The following SLC6A6 variants were observed in gnomAD, a reference collection of about 807,000 sequenced individuals.
The protein encoded by SLC6A6 is sodium- and chloride-dependent taurine transporter.
In SLC6A6, 16 loss-of-function variants were observed where a neutral mutation model predicts 68.8. That is an observed-to-expected ratio of 0.23 (90% confidence interval 0.16 to 0.35). The LOEUF (loss-of-function observed/expected upper bound fraction) is 0.35. SLC6A6 is among the 10% of genes least tolerant of loss of function. The pLI, the probability that SLC6A6 is intolerant of heterozygous loss-of-function variation, is 1.00. For synonymous variants in SLC6A6, 312 were observed against 315.4 expected (o/e 0.99, Z 0.12); for missense variants, 474 against 802.8 (o/e 0.59, Z 4.95).
chr3:14,446,659 G>C (rs1004445857), intron 4 of SLC6A6, among the ~76,000 whole-genome samples: 1 of 152,180 alleles, frequency 6.6e-6, no homozygotes, highest in Non-Finnish European at 1.5e-5. Flanking sequence ...AACTCCCCTT[G>C]ATAGTTTTGT....
chr3:14,431,770 G>A (rs6801669), intron 2 of SLC6A6, among the ~76,000 whole-genome samples: 39,723 of 152,022 alleles, frequency 0.26, 5,240 homozygotes, highest in South Asian at 0.32. Flanking sequence ...CACTCTGGTC[G>A]AGCTGAATTT....
chr3:14,447,458 T>G (rs1458033043), intron 4 of SLC6A6, 124 bp from the exon 5 acceptor site: 2 of 1,158,874 alleles, frequency 1.7e-6, no homozygotes, highest in Non-Finnish European at 2.5e-6. Context: ...TATTTGGTGG[T>G]CACTGTTGAA....
At chr3:14,447,904 G>A (rs1213841490) in intron 5 of SLC6A6, 88 bp downstream of exon 5, 1 of 1,554,534 alleles carries the variant, frequency 6.4e-7, no homozygotes, top group South Asian at 1.2e-5. Context: ...TGGGATACAG[G>A]AGCCACTGTC....
rs926696484 is a variant in SLC6A6 at position 14,463,610 on chromosome 3, G to T, written c.733-2906G>T. ...GCCCCAGAGGTGGGAACTGGTCGGG[G>T]CGCCTGGCCGCCTGTCCGCCTGTCC... is the stretch of plus-strand genomic sequence containing the variant. On this transcript the variant is annotated intron_variant, in intron 6 of 14. Coordinates refer to ENST00000622186, the MANE Select transcript of SLC6A6 (RefSeq NM_003043.6). Among the ~76,000 whole-genome samples, 4 of 152,264 alleles carry T rather than the reference G, an allele frequency of 2.6e-5. No individual in the cohort carries two copies. In the South Asian group the frequency reaches 8.3e-4, roughly 31 times the overall value.
At position 14,418,902 on chromosome 3, in the gene SLC6A6, T is replaced by G. The variant is rs567095928; in HGVS notation, c.-12+2449T>G. ...CCTGATTGAGCTGACTCTAGCCCAC[T>G]TCCTCAGGCTGGGAACGGCCTCTGG... On this transcript the variant is annotated intron_variant, in intron 2 of 14. Coordinates refer to ENST00000622186, the MANE Select transcript of SLC6A6 (RefSeq NM_003043.6). Among the ~76,000 whole-genome samples, 101 of 152,300 alleles carry G rather than the reference T, an allele frequency of 6.6e-4. 2 individuals are homozygous for G. In the South Asian group the frequency reaches 0.02, roughly 30 times the overall value.
chr3:14,452,058 C>T (rs773975540), intron 5 of SLC6A6, among the ~76,000 whole-genome samples: 4 of 152,266 alleles, frequency 2.6e-5, no homozygotes, highest in South Asian at 2.1e-4. Flanking sequence ...GTCAGGGGTA[C>T]GAGGCACCAG....
At chr3:14,412,707 T>A (rs1240468184) in intron 1 of SLC6A6, among the ~76,000 whole-genome samples, 1 of 152,226 alleles carries the variant, frequency 6.6e-6, no homozygotes, top group Non-Finnish European at 1.5e-5. Context: ...TCCCAGGCAC[T>A]GTGGACGGTG....
chr3:14,427,671 C>T (rs1182728452), intron 2 of SLC6A6, among the ~76,000 whole-genome samples: 1 of 152,152 alleles, frequency 6.6e-6, no homozygotes, highest in Admixed American at 6.5e-5. Flanking sequence ...CTGGGGGCCA[C>T]CAGCAAGGTA....
At chr3:14,411,497 A>C (rs185302993) in intron 1 of SLC6A6, among the ~76,000 whole-genome samples, 80 of 152,328 alleles carry the variant, frequency 5.3e-4, no homozygotes, top group African/African-American at 1.9e-3. Context: ...GTTAAAGTGG[A>C]CTTCAGCTCG....
chr3:14,405,605 C>T (rs1699089447), intron 1 of SLC6A6, among the ~76,000 whole-genome samples: 1 of 152,220 alleles, frequency 6.6e-6, no homozygotes, highest in African/African-American at 2.4e-5. Flanking sequence ...TGCAGAAGGT[C>T]ATGAGCAAGA....
intron 6 of SLC6A6, among the ~76,000 whole-genome samples, chr3:14,466,265 T>TAAAAAAAAAAAA (rs11310077): frequency 9.1e-6 from 1 of 110,272 alleles, no homozygotes. Flanking sequence ...GTCTCAAATT[T>TAAAAAAAAAAAA]AAAAAAAAAA....
In SLC6A6 at chr3:14,450,248, G is replaced by C. The variant is rs1272807186; in HGVS notation, c.599+2432G>C. On this transcript the variant is annotated intron_variant, in intron 5 of 14. Coordinates refer to ENST00000622186, the MANE Select transcript of SLC6A6 (RefSeq NM_003043.6). The surrounding 1 kb of genome is among the most constrained non-coding windows in gnomAD (Gnocchi z 4.1). ...ACTTGGGAGCAATGTGAGGTCCTCAGGTTGGCCAGTCCTCACTCACACCTT... is the reference window on the plus strand; with the variant it reads ...ACTTGGGAGCAATGTGAGGTCCTCACGTTGGCCAGTCCTCACTCACACCTT... Among the ~76,000 whole-genome samples the C allele has an allele frequency of 1.3e-5, 2 of 152,064 alleles. No homozygotes were observed. Among genetic ancestry groups the C allele is most frequent in the Non-Finnish European group, 2.9e-5 (2 of 68,018 alleles).
chr3:14,449,754 A>G (rs957928508), intron 5 of SLC6A6, among the ~76,000 whole-genome samples: 2 of 151,864 alleles, frequency 1.3e-5, no homozygotes, highest in African/African-American at 4.8e-5. Context: ...TATTATTATT[A>G]CTGTTATTTT....
At chr3:14,431,992 C>T (rs1295306031) in intron 2 of SLC6A6, among the ~76,000 whole-genome samples, 2 of 152,166 alleles carry the variant, frequency 1.3e-5, no homozygotes, top group Non-Finnish European at 2.9e-5. Flanking sequence ...TTGCCCAAGG[C>T]TGTACAGCAG....
chr3:14,409,909 C>T (rs138226848), intron 1 of SLC6A6, among the ~76,000 whole-genome samples: 2 of 152,314 alleles, frequency 1.3e-5, no homozygotes, highest in Non-Finnish European at 2.9e-5. Context: ...CATTGTTGGC[C>T]AGGCACACTG....
intron 2 of SLC6A6, among the ~76,000 whole-genome samples, chr3:14,425,573 A>G (rs920658718): frequency 2.6e-5 from 4 of 152,120 alleles, no homozygotes; most frequent in African/African-American, 9.7e-5. Context: ...CTTGCCCCCA[A>G]GGAGTAAAGG....
At chr3:14,478,438 C>T (rs369376341) in intron 11 of SLC6A6, 28 bp from the exon 12 acceptor site, 98 of 1,435,068 alleles carry the variant, frequency 6.8e-5, no homozygotes, top group African/African-American at 1.1e-4. Flanking sequence ...GGTAGGAAAT[C>T]GACCTTCTGT....
In SLC6A6 at chr3:14,433,804, A is replaced by ACAG. The variant is rs201277842; in HGVS notation, c.-11-9820_-11-9819insCAG. ...GGCAACAGAGCTAGACTCTGTCTCA[A>ACAG]AAAAAAAAAAAAAAAAAAAAAAAAG... On this transcript the variant is annotated intron_variant, in intron 2 of 14. Coordinates refer to ENST00000622186, the MANE Select transcript of SLC6A6 (RefSeq NM_003043.6). 1.2e-3 allele frequency among the ~76,000 whole-genome samples: 40 copies of ACAG among 34,448 alleles called. 1 individual carries two copies. The highest frequency in any genetic ancestry group is 0.01 in the Middle Eastern group (1 of 96). 22.6% of individuals were successfully genotyped at this position (34,448 alleles called of 152,430 possible).
intron 9 of SLC6A6, among the ~76,000 whole-genome samples, chr3:14,471,519 A>T (rs1243014652): frequency 6.6e-6 from 1 of 152,174 alleles, no homozygotes; most frequent in African/African-American, 2.4e-5. Context: ...GGGGTGATTC[A>T]AAAAGGAAAT....
Sources: allele counts gnomAD v4.1 joint callset (sites outside exome capture counted in the v4.1 genomes callset), GRCh38; gene constraint gnomAD v4.1.1; non-coding constraint Gnocchi (gnomAD v3.1); transcripts MANE v1.5; gene names NCBI Gene and HGNC (gene_info 2026-07-23, HGNC 2026-07-21).